FYB1: variants seen among roughly 807,000 people sequenced by gnomAD.
FYB1 encodes the protein FYN binding protein 1, also known as FYN-binding protein 1.
A neutral mutation model predicts 94.1 loss-of-function variants in FYB1; 41 were observed. The ratio of observed to expected loss-of-function variants is 0.44; its 90% confidence interval spans 0.34 to 0.57. FYB1 has a LOEUF of 0.57. Among genes scored for constraint, FYB1 ranks in the 20% least tolerant of loss-of-function variants. The probability of loss-of-function intolerance (pLI) is 0.02; values close to 1 mark genes in which losing one functional copy is unlikely to be tolerated. For missense variants in FYB1, 1,050 were observed against 976.8 expected, an observed-to-expected ratio of 1.07 and a Z score of -1.00; for synonymous variants, 367 against 353.2, an observed-to-expected ratio of 1.04 and a Z score of -0.44.
At position 39,137,737 on chromosome 5, in the gene FYB1, T is replaced by G; in HGVS notation, c.1395-17A>C. 1 of 1,550,598 alleles carries G rather than the reference T, an allele frequency of 6.4e-7. No homozygotes were observed. The highest frequency in any genetic ancestry group is 8.7e-7 in the Non-Finnish European group (1 of 1,146,638). On this transcript the variant is annotated splice_polypyrimidine_tract_variant and intron_variant, in intron 6 of 18. Transcript: ENST00000512982. ...GATGCTTCTCTGTGAGTAAAAATTG[T>G]TAGGTTGTTTTCACATCTGCAGGTG... is the stretch of plus-strand genomic sequence containing the variant.
chr5:39,209,512 G>A (rs140884228), intron 1 of FYB1, among the ~76,000 whole-genome samples: 65 of 152,170 alleles, frequency 4.3e-4, no homozygotes, highest in African/African-American at 1.5e-3. Context: ...TTTTAATAGA[G>A]ATGGGGTCTC....
chr5:39,155,051 C>T (rs1248038982), intron 2 of FYB1, among the ~76,000 whole-genome samples: 9 of 152,112 alleles, frequency 5.9e-5, no homozygotes, highest in Admixed American at 5.9e-4. Flanking sequence ...CTGCTTTTGC[C>T]TGTCCATACA....
intron 6 of FYB1, 60 bp downstream of exon 6, chr5:39,138,597 A>AT: frequency 1.9e-6 from 2 of 1,032,096 alleles, no homozygotes; most frequent in Non-Finnish European, 2.9e-6. Flanking sequence ...ACTCTCCCTC[A>AT]TACAAAACAT....
intron 1 of FYB1, among the ~76,000 whole-genome samples, chr5:39,262,837 A>G (rs929690386): frequency 1.4e-4 from 21 of 152,178 alleles, no homozygotes. Context: ...ACAATACTAT[A>G]TGTTTGGAGA....
At chr5:39,199,925 G>A (rs927546066) in intron 2 of FYB1, among the ~76,000 whole-genome samples, 1 of 152,218 alleles carries the variant, frequency 6.6e-6, no homozygotes, top group Non-Finnish European at 1.5e-5. Context: ...TTAAAGTTAT[G>A]AATCAGATTG....
intron 2 of FYB1, chr5:39,170,386 A>G (rs1048845454): frequency 1.5e-5 from 11 of 723,912 alleles, no homozygotes; most frequent in Admixed American, 3.0e-5. Context: ...GGCCAGCTGC[A>G]CCGTGGTCTT....
chr5:39,239,684 T>C (rs2150584716), intron 1 of FYB1, among the ~76,000 whole-genome samples: 1 of 152,308 alleles, frequency 6.6e-6, no homozygotes, highest in South Asian at 2.1e-4. Context: ...TGGAAAATCA[T>C]TCCATACTCA....
chr5:39,208,078 T>G (rs1293493436), intron 1 of FYB1, among the ~76,000 whole-genome samples: 1 of 152,196 alleles, frequency 6.6e-6, no homozygotes, highest in African/African-American at 2.4e-5. Flanking sequence ...GTATAGAAAC[T>G]AAATGAGCCA....
At chr5:39,149,740 A>T (rs1561178133) in intron 3 of FYB1, among the ~76,000 whole-genome samples, 1 of 151,478 alleles carries the variant, frequency 6.6e-6, no homozygotes, top group Non-Finnish European at 1.5e-5. Context: ...TTTCTCACTG[A>T]CTCCTCCTTG....
rs1356380557 is a variant in FYB1 at position 39,107,558 on chromosome 5, T to G, written c.2468-93A>C. 4 of 723,860 alleles carry G rather than the reference T, an allele frequency of 5.5e-6. No homozygotes were observed. In the Admixed American group the frequency reaches 9.8e-5, roughly 18 times the overall value. 44.8% of individuals were successfully genotyped at this position (723,860 alleles called of 1,614,324 possible). The stretch of plus-strand genomic sequence containing the variant: ...GAAATGTGGGTGATTCATACTCTCC[T>G]GGTTAAGGATTAAAAAAAATAGAAC... On this transcript the variant is annotated intron_variant, in intron 18 of 18. Coordinates refer to ENST00000512982, the MANE Select transcript of FYB1 (RefSeq NM_001465.6).
At chr5:39,246,211 G>C (rs1751472089) in intron 1 of FYB1, among the ~76,000 whole-genome samples, 1 of 152,002 alleles carries the variant, frequency 6.6e-6, no homozygotes, top group Non-Finnish European at 1.5e-5. Flanking sequence ...CACCAGATAG[G>C]GGACCCTGTG....
In FYB1 at chr5:39,119,047, AAG is replaced by A; in HGVS notation, c.2239-13_2239-12del. 1 of 1,234,734 alleles carries A rather than the reference AAG, an allele frequency of 8.1e-7. No individual in the cohort carries two copies. The highest frequency in any genetic ancestry group is 1.1e-6 in the Non-Finnish European group (1 of 919,316). 76.5% of individuals were successfully genotyped at this position (1,234,734 alleles called of 1,614,324 possible). On this transcript the variant is annotated splice_polypyrimidine_tract_variant and intron_variant, in intron 15 of 18. Coordinates refer to ENST00000512982, the MANE Select transcript of FYB1 (RefSeq NM_001465.6). The stretch of plus-strand genomic sequence containing the variant: ...AATTTCACCATCATACTAAAAAAAA[AAG>A]AACAATATTTAAATTATTGGTTTAT...
In FYB1 at chr5:39,105,440, A is replaced by G. The variant is rs1344095195; in HGVS notation, c.*2003T>C. 2 of 152,054 alleles carry G rather than the reference A, an allele frequency of 1.3e-5. No homozygotes were observed. Among genetic ancestry groups the G allele is most frequent in the African/African-American group, 4.8e-5 (2 of 41,400 alleles). The allele number at this position is 152,054 out of a possible 1,614,324, so 9.4% of individuals were successfully genotyped here. A position where few individuals can be genotyped will look rare whatever the true frequency, so the allele number is the denominator to read the frequency against. On this transcript the variant is annotated 3_prime_UTR_variant, in exon 19 of 19. Coordinates refer to ENST00000512982, the MANE Select transcript of FYB1 (RefSeq NM_001465.6). ...TCTGTTTCTTGATGTGTAAACCAAA[A>G]CTCTGAAATATTCTCTTGATCTAAC...
chr5:39,182,944 A>G (rs936753907), intron 2 of FYB1, among the ~76,000 whole-genome samples: 1 of 152,246 alleles, frequency 6.6e-6, no homozygotes, highest in African/African-American at 2.4e-5. Context: ...AGCTACAGAC[A>G]GGTCTCATTC....
In FYB1 at chr5:39,206,986, A is replaced by G. The variant is rs1319627518; in HGVS notation, c.-27-3999T>C. 2.0e-5 allele frequency among the ~76,000 whole-genome samples: 3 copies of G among 152,144 alleles called. No individual in the cohort carries two copies. In the East Asian group the frequency reaches 5.8e-4, roughly 29 times the overall value. On this transcript the variant is annotated intron_variant, in intron 1 of 18. Transcript: ENST00000512982. ...TACCTATGTCAATTCCAGTTGTTAG[A>G]TATTTTCAATATTAACCCTACTTTT...
At chr5:39,188,689 G>A (rs569207722) in intron 2 of FYB1, among the ~76,000 whole-genome samples, 66 of 151,916 alleles carry the variant, frequency 4.3e-4, no homozygotes, top group African/African-American at 1.4e-3. Context: ...CTGCCACCAC[G>A]CCCGGCTAAT....
At chr5:39,267,657 A>G (rs143344463) in intron 1 of FYB1, among the ~76,000 whole-genome samples, 1 of 152,362 alleles carries the variant, frequency 6.6e-6, no homozygotes, top group East Asian at 1.9e-4. Context: ...ATTTTGAAGT[A>G]TAACCTTTTC....
chr5:39,219,312 A>G, intron 1 of FYB1, 131 bp downstream of exon 1: 1 of 478,512 alleles, frequency 2.1e-6, no homozygotes, highest in Non-Finnish European at 2.7e-6. Context: ...CTATTTTCCA[A>G]CAGAACATGC....
chr5:39,110,760 T>A, intron 16 of FYB1: 1 of 337,880 alleles, frequency 3.0e-6, no homozygotes, highest in Middle Eastern at 4.0e-4. Flanking sequence ...ATAAAAGTCA[T>A]TTATTGGTAA....
Sources: allele counts gnomAD v4.1 joint callset (sites outside exome capture counted in the v4.1 genomes callset), GRCh38; gene constraint gnomAD v4.1.1; transcripts MANE v1.5; gene names NCBI Gene and HGNC (gene_info 2026-07-23, HGNC 2026-07-21).